Variants in ZNF43 observed in about 807,000 individuals in gnomAD.
ZNF43 encodes zinc finger protein 43, also known as zinc finger protein 39-like 1 (KOX 27).
ZNF43 carries 44 observed loss-of-function variants against 68.4 expected under a neutral mutation model. The observed-to-expected ratio is 0.64, with a 90% CI of 0.51 to 0.83. ZNF43 has a LOEUF of 0.83. ZNF43 is among the 40% of genes least tolerant of loss of function. The pLI, the probability that ZNF43 is intolerant of heterozygous loss-of-function variation, is 0.00. For missense variants in ZNF43, 896 were observed against 933.2 expected (o/e 0.96, Z 0.52); for synonymous variants, 308 against 307.8 (o/e 1.00, Z -0.01).
chr19:21,841,058 AAC>A (rs1274835012), upstream of ZNF43: 6 of 152,198 alleles, frequency 3.9e-5, no homozygotes, highest in African/African-American at 1.4e-4. Flanking sequence ...GCATTTGAGA[AAC>A]AGTCTCACCT....
At chr19:21,836,202 G>A (rs2038726517), upstream of ZNF43, 3 of 1,506,878 alleles carry the variant, frequency 2.0e-6, no homozygotes, top group East Asian at 4.8e-5. Context: ...GCCACATCCC[G>A]GAAGCCGCCC....
At chr19:21,836,895 A>G (rs2435048), upstream of ZNF43, among the ~76,000 whole-genome samples, 38,943 of 152,172 alleles carry the variant, frequency 0.26, 5,097 homozygotes, top group South Asian at 0.31. Context: ...TTCAGACTGA[A>G]TTATTTTATC....
chr19:21,830,815 G>A (rs2038391074), intron 1 of ZNF43, among the ~76,000 whole-genome samples: 1 of 152,036 alleles, frequency 6.6e-6, no homozygotes, highest in Non-Finnish European at 1.5e-5. Flanking sequence ...AAAACTTCAT[G>A]CCAATGATCT....
At chr19:21,843,976 C>T (rs1239231045) in intron 1 of ZNF43, among the ~76,000 whole-genome samples, 2 of 151,998 alleles carry the variant, frequency 1.3e-5, no homozygotes, top group African/African-American at 2.4e-5. Flanking sequence ...TGGCTGGTTG[C>T]GCATATGAGT....
chr19:21,823,651 G>A (rs1172102036), intron 1 of ZNF43, among the ~76,000 whole-genome samples: 1 of 139,606 alleles, frequency 7.2e-6, no homozygotes, highest in East Asian at 2.2e-4. Flanking sequence ...CACAATCTCA[G>A]CTCACTGCAA....
intron 1 of ZNF43, among the ~76,000 whole-genome samples, chr19:21,833,530 A>G (rs921265125): frequency 4.0e-5 from 6 of 151,278 alleles, no homozygotes; most frequent in African/African-American, 1.5e-4. Flanking sequence ...TCGGCCTCCC[A>G]AAGTGTTGGG....
chr19:21,814,409 CTCT>C (rs1250043143), intron 3 of ZNF43, among the ~76,000 whole-genome samples: 1 of 148,698 alleles, frequency 6.7e-6, no homozygotes, highest in Non-Finnish European at 1.5e-5. Context: ...GGTGATTGAT[CTCT>C]TTTTTTTTTT....
intron 1 of ZNF43, among the ~76,000 whole-genome samples, chr19:21,829,224 A>AT (rs1346094968): frequency 6.6e-6 from 1 of 151,696 alleles, no homozygotes; most frequent in Non-Finnish European, 1.5e-5. Flanking sequence ...ACTCCATCAC[A>AT]AAGGAAAAAA....
intron 1 of ZNF43, among the ~76,000 whole-genome samples, chr19:21,835,373 T>TC (rs2038662238): frequency 6.7e-6 from 1 of 148,546 alleles, no homozygotes; most frequent in Non-Finnish European, 1.5e-5. Flanking sequence ...TTTTTTTTTT[T>TC]TCCAGAGGGA....
chr19:21,829,544 T>G (rs911630587), intron 1 of ZNF43, among the ~76,000 whole-genome samples: 1 of 152,126 alleles, frequency 6.6e-6, no homozygotes, highest in African/African-American at 2.4e-5. Context: ...GGATAAGCAA[T>G]GAATCTGAGG....
intron 1 of ZNF43, among the ~76,000 whole-genome samples, chr19:21,824,732 T>TAAAAAAAAAA (rs34739856): frequency 8.4e-5 from 9 of 107,220 alleles, no homozygotes; most frequent in East Asian, 2.8e-4. Context: ...TATGTTTACC[T>TAAAAAAAAAA]AAAAAAAAAA....
chr19:21,842,300 T>C (rs575013249), intron 1 of ZNF43, among the ~76,000 whole-genome samples: 1 of 151,412 alleles, frequency 6.6e-6, no homozygotes, highest in South Asian at 2.1e-4. Context: ...CCCCAGCTAC[T>C]TGGGAGGCTG....
chr19:21,816,563 T>C (rs748273355), intron 3 of ZNF43, among the ~76,000 whole-genome samples: 4 of 152,084 alleles, frequency 2.6e-5, no homozygotes, highest in Non-Finnish European at 4.4e-5. Context: ...CAGCCACAGT[T>C]TGGGAGAGGT....
chr19:21,810,331 A>C lies in ZNF43; in HGVS notation c.230-524T>G, dbSNP rs568396915. Among the ~76,000 whole-genome samples, 47 of 152,346 alleles carry C rather than the reference A, an allele frequency of 3.1e-4. 1 individual carries two copies. Among genetic ancestry groups the C allele is most frequent in the African/African-American group, 1.0e-3 (43 of 41,582 alleles). ...GTCACATGGTAATAGGGAAAGTGTG[A>C]GGTGAAGGAGCCAGGTTCTTTTAAT... On this transcript the variant is annotated intron_variant, in intron 3 of 3. Coordinates refer to ENST00000354959, the MANE Select transcript of ZNF43 (RefSeq NM_003423.4).
intron 3 of ZNF43, among the ~76,000 whole-genome samples, chr19:21,815,673 A>T (rs943095189): frequency 2.0e-5 from 3 of 152,050 alleles, no homozygotes; most frequent in Admixed American, 2.0e-4. Flanking sequence ...GTGCTTACTG[A>T]TTATCTAATT....
intron 1 of ZNF43, among the ~76,000 whole-genome samples, chr19:21,848,653 A>C (rs969900646): frequency 3.9e-5 from 6 of 152,214 alleles, no homozygotes; most frequent in Non-Finnish European, 7.3e-5. Context: ...GGCTGGGACC[A>C]GACAGGAAAC....
At chr19:21,821,245 A>C (rs533432913) in intron 1 of ZNF43, among the ~76,000 whole-genome samples, 2 of 148,326 alleles carry the variant, frequency 1.3e-5, no homozygotes, top group South Asian at 2.1e-4. Flanking sequence ...TCCTGGGTTC[A>C]TGTCATTCTC....
upstream of ZNF43, among the ~76,000 whole-genome samples, chr19:21,838,442 C>G (rs1290834601): frequency 6.6e-6 from 1 of 151,352 alleles, no homozygotes; most frequent in Admixed American, 6.6e-5. Context: ...CTCTATTACC[C>G]AGGCTGGAGT....
rs1258317934 is a variant in ZNF43 at position 21,808,596 on chromosome 19, G to GT, written c.1440dup (p.Pro481ThrfsTer5). ...TTGCCACATTCTTCACATTTGTACG[G>GT]TTTTTCTGCAGTATGAATTCTCTTA... On this transcript the variant is annotated frameshift_variant, in exon 4 of 4. Transcript: ENST00000354959. LOFTEE classifies it high-confidence loss of function. 1 of 1,613,158 alleles carries GT rather than the reference G, an allele frequency of 6.2e-7. No homozygotes were observed.
Sources: allele counts gnomAD v4.1 joint callset (sites outside exome capture counted in the v4.1 genomes callset), GRCh38; gene constraint gnomAD v4.1.1; transcripts MANE v1.5; gene names NCBI Gene and HGNC (gene_info 2026-07-23, HGNC 2026-07-21).